The following EEIG2 variants were observed in gnomAD, a reference collection of about 807,000 sequenced individuals.
EEIG2 encodes the protein EEIG family member 2.
the EEIG2 span, among the ~76,000 whole-genome samples, chr1:108,603,361 G>A: frequency 1.3e-5 from 2 of 152,164 alleles, no homozygotes; most frequent in African/African-American, 2.4e-5. Flanking sequence ...AAGAGGAGGG[G>A]CCTTGATAAA....
the EEIG2 span, among the ~76,000 whole-genome samples, chr1:108,623,321 T>G: frequency 6.6e-6 from 1 of 151,848 alleles, no homozygotes; most frequent in Non-Finnish European, 1.5e-5. Flanking sequence ...CAAAAAAAAT[T>G]TAAAGTCTCT....
the EEIG2 span, among the ~76,000 whole-genome samples, chr1:108,565,273 AAAGTCATAGAGTGTACTT>A: frequency 6.6e-6 from 1 of 152,204 alleles, no homozygotes; most frequent in African/African-American, 2.4e-5. Context: ...TCATTGTGCA[AAAGTCATAGAGTGTACTT>A]ACACAAACCT....
chr1:108,588,608 A>G, the EEIG2 span, among the ~76,000 whole-genome samples: 1 of 152,172 alleles, frequency 6.6e-6, no homozygotes, highest in Non-Finnish European at 1.5e-5. Context: ...TAATGTATTC[A>G]TCACCTCAGA....
At chr1:108,608,894 G>A in the EEIG2 span, among the ~76,000 whole-genome samples, 1 of 152,212 alleles carries the variant, frequency 6.6e-6, no homozygotes, top group Non-Finnish European at 1.5e-5. Flanking sequence ...CTTTGCAGAT[G>A]TCTGTCATCT....
At chr1:108,625,811 TG>T in the EEIG2 span, 25,449 of 69,810 alleles carry the variant, frequency 0.36, 2,436 homozygotes, top group Non-Finnish European at 0.46. Context: ...TGTGTGTGTG[TG>T]TGTGTGTGTG....
chr1:108,609,627 G>A, the EEIG2 span, among the ~76,000 whole-genome samples: 1 of 152,162 alleles, frequency 6.6e-6, no homozygotes, highest in Non-Finnish European at 1.5e-5. Context: ...TCAAGAAAGA[G>A]GACATTGTGG....
the EEIG2 span, among the ~76,000 whole-genome samples, chr1:108,605,270 A>G: frequency 5.3e-5 from 8 of 152,182 alleles, no homozygotes; most frequent in African/African-American, 1.9e-4. Context: ...AAGGAATATA[A>G]CAGTGACCTA....
the EEIG2 span, chr1:108,627,602 G>A: frequency 6.6e-6 from 1 of 152,294 alleles, no homozygotes; most frequent in Non-Finnish European, 1.5e-5. Context: ...ACTTTCTTAA[G>A]AACTTTTACT....
chr1:108,628,871 T>C, the EEIG2 span: 1 of 1,457,368 alleles, frequency 6.9e-7, no homozygotes. Context: ...TAGTCAGCAG[T>C]AAAGAGGCTC....
At chr1:108,617,336 G>C in the EEIG2 span, among the ~76,000 whole-genome samples, 1 of 152,174 alleles carries the variant, frequency 6.6e-6, no homozygotes, top group African/African-American at 2.4e-5. Context: ...AGAGGACAGG[G>C]ACACAAATAA....
chr1:108,637,488 A>G, the EEIG2 span: 8 of 152,090 alleles, frequency 5.3e-5, no homozygotes, highest in Non-Finnish European at 1.0e-4. Flanking sequence ...ATAGCTGTTG[A>G]AAAAATCTGT....
chr1:108,624,867 T>C, the EEIG2 span: 2 of 722,832 alleles, frequency 2.8e-6, no homozygotes, highest in South Asian at 1.8e-5. Flanking sequence ...TCAACAGTTT[T>C]AATTATGTAA....
chr1:108,580,148 CATT>C, the EEIG2 span, among the ~76,000 whole-genome samples: 3 of 152,084 alleles, frequency 2.0e-5, no homozygotes, highest in Admixed American at 6.5e-5. Flanking sequence ...CAAACTTTTT[CATT>C]ATTGTTACAG....
the EEIG2 span, among the ~76,000 whole-genome samples, chr1:108,615,594 G>A: frequency 6.6e-6 from 1 of 151,472 alleles, no homozygotes; most frequent in Non-Finnish European, 1.5e-5. Context: ...GACAACATAA[G>A]CAAGACCTCA....
chr1:108,567,282 C>T, the EEIG2 span, among the ~76,000 whole-genome samples: 4 of 152,200 alleles, frequency 2.6e-5, no homozygotes, highest in Non-Finnish European at 5.9e-5. Flanking sequence ...CCCAGTGCGT[C>T]AGGAACTTTT....
the EEIG2 span, among the ~76,000 whole-genome samples, chr1:108,578,445 A>G: frequency 2.9e-5 from 3 of 104,612 alleles, no homozygotes; most frequent in African/African-American, 1.2e-4. Context: ...TTTGTCATAG[A>G]TAGCTCTTAT....
the EEIG2 span, among the ~76,000 whole-genome samples, chr1:108,587,489 T>G: frequency 1.3e-5 from 2 of 152,144 alleles, no homozygotes; most frequent in African/African-American, 4.8e-5. Context: ...TTTTGACAAA[T>G]GTATAATGAC....
At chr1:108,592,765 G>T in the EEIG2 span, among the ~76,000 whole-genome samples, 1 of 152,176 alleles carries the variant, frequency 6.6e-6, no homozygotes, top group Non-Finnish European at 1.5e-5. Context: ...TTTGGAAATG[G>T]TAAGACTTAG....
chr1:108,592,932 C>A, the EEIG2 span, among the ~76,000 whole-genome samples: 2 of 151,926 alleles, frequency 1.3e-5, no homozygotes, highest in African/African-American at 4.8e-5. Flanking sequence ...CCAGGGTGGG[C>A]GGGTCACTTG....
Sources: gnomAD v4.1 joint callset for allele counts (sites outside exome capture counted in the v4.1 genomes callset) on GRCh38, gnomAD v4.1.1 for gene constraint, MANE v1.5 for transcripts, NCBI Gene and HGNC (gene_info 2026-07-23, HGNC 2026-07-21) for gene names.